The following TF variants were observed in gnomAD, a reference collection of about 807,000 sequenced individuals.
TF encodes the protein transferrin.
Under a neutral mutation model 82.4 loss-of-function variants are expected in TF, and 55 were observed. The ratio of observed to expected loss-of-function variants is 0.67; its 90% CI spans 0.54 to 0.84. The LOEUF (loss-of-function observed/expected upper bound fraction) is 0.84. Ranked by LOEUF, TF falls within the 40% of genes least tolerant of loss-of-function variation. The pLI is 0.00. For missense variants in TF, 737 were observed against 868.4 expected (o/e 0.85, Z 1.90); for synonymous variants, 332 against 332.6 (o/e 1.00, Z 0.02).
At chr3:133,718,695 A>G in the TF span, among the ~76,000 whole-genome samples, 1 of 152,194 alleles carries the variant, frequency 6.6e-6, no homozygotes, top group Admixed American at 6.5e-5. Context: ...TGCATTTCCA[A>G]CAAGTTTCCA....
the TF span, among the ~76,000 whole-genome samples, chr3:133,692,279 G>T: frequency 6.6e-6 from 1 of 152,192 alleles, no homozygotes; most frequent in East Asian, 1.9e-4. Context: ...TCCCATACTT[G>T]TCCATTAGTG....
the TF span, among the ~76,000 whole-genome samples, chr3:133,677,853 TA>T: frequency 8.5e-5 from 13 of 152,120 alleles, no homozygotes; most frequent in Admixed American, 2.6e-4. Context: ...CCAGCTAATT[TA>T]AAAAAAAAAT....
intron 2 of TF, among the ~76,000 whole-genome samples, chr3:133,753,271 C>G (rs1933727052): frequency 6.6e-6 from 1 of 152,242 alleles, no homozygotes; most frequent in Non-Finnish European, 1.5e-5. Flanking sequence ...GGGCGGCTTT[C>G]TCCCACGGAG....
At chr3:133,712,908 A>T in the TF span, 1 of 152,664 alleles carries the variant, frequency 6.6e-6, no homozygotes, top group Non-Finnish European at 1.5e-5. Context: ...ATTTGGAAGG[A>T]GCCAGAATCT....
intron 15 of TF, 84 bp downstream of exon 15, chr3:133,775,701 T>C (rs1934372292): frequency 2.9e-6 from 4 of 1,387,860 alleles, no homozygotes; most frequent in South Asian, 1.2e-5. Context: ...AGTGCAGCCA[T>C]GACTCCAGCA....
chr3:133,681,981 A>G, the TF span, among the ~76,000 whole-genome samples: 1 of 152,182 alleles, frequency 6.6e-6, no homozygotes, highest in African/African-American at 2.4e-5. Context: ...TCATATGGCC[A>G]GGTGCCCATC....
At chr3:133,671,769 G>A in the TF span, among the ~76,000 whole-genome samples, 1 of 150,638 alleles carries the variant, frequency 6.6e-6, no homozygotes, top group Non-Finnish European at 1.5e-5. Context: ...CTCCAGCCTG[G>A]GCGATAGAGT....
the TF span, among the ~76,000 whole-genome samples, chr3:133,663,544 CAATT>C: frequency 2.0e-5 from 3 of 151,990 alleles, no homozygotes; most frequent in African/African-American, 4.8e-5. Flanking sequence ...TCTGTAATAA[CAATT>C]AATATTTCTA....
chr3:133,725,379 G>A, the TF span, among the ~76,000 whole-genome samples: 1 of 152,280 alleles, frequency 6.6e-6, no homozygotes, highest in East Asian at 1.9e-4. Flanking sequence ...CACGTCCCTT[G>A]TAAGTTGGAT....
At chr3:133,738,975 T>G in the TF span, among the ~76,000 whole-genome samples, 1 of 152,148 alleles carries the variant, frequency 6.6e-6, no homozygotes, top group Admixed American at 6.5e-5. Context: ...TTAAATTTCA[T>G]ATGGAACCAA....
At chr3:133,725,935 T>C in the TF span, among the ~76,000 whole-genome samples, 4 of 152,216 alleles carry the variant, frequency 2.6e-5, no homozygotes, top group Non-Finnish European at 5.9e-5. Context: ...TTGTCTTTGG[T>C]TCTGTTTATA....
chr3:133,757,742 T>C (rs1368539311), intron 7 of TF, 27 bp from the exon 8 acceptor site: 1 of 1,601,624 alleles, frequency 6.2e-7, no homozygotes, highest in East Asian at 2.2e-5. Context: ...TGTGTTGCCA[T>C]CCACTATTCT....
At chr3:133,694,143 C>G in the TF span, 1 of 152,850 alleles carries the variant, frequency 6.5e-6, no homozygotes, top group African/African-American at 2.4e-5. Context: ...GAGGGCCACT[C>G]TCTCGCACAC....
In TF at chr3:133,778,856, C is replaced by G. The variant is rs1934458908; in HGVS notation, c.*236C>G. 2.3e-6 allele frequency: 1 copy of G among 428,864 alleles called. No individual in the cohort carries two copies. The highest frequency in any genetic ancestry group is 2.2e-5 in the South Asian group (1 of 45,964). The allele number at this position is 428,864 out of a possible 1,614,324, so 26.6% of individuals were successfully genotyped here. On this transcript the variant is annotated 3_prime_UTR_variant, in exon 17 of 17. Transcript: ENST00000402696. ...TTCTTTATGCATTCTGCCTAAATAC[C>G]TATGCAACTGAGCCCTTCCTTCTCA...
the TF span, among the ~76,000 whole-genome samples, chr3:133,666,565 G>A: frequency 6.6e-6 from 1 of 152,184 alleles, no homozygotes; most frequent in Non-Finnish European, 1.5e-5. Flanking sequence ...ATTGTCTTCA[G>A]TAACCTGGAA....
chr3:133,677,940 C>G, the TF span, among the ~76,000 whole-genome samples: 1 of 152,104 alleles, frequency 6.6e-6, no homozygotes, highest in Admixed American at 6.6e-5. Flanking sequence ...ATACACATGC[C>G]ATGGTGGTTT....
intron 5 of TF, among the ~76,000 whole-genome samples, 197 bp from the exon 6 acceptor site, chr3:133,756,084 AG>A (rs1250106235): frequency 6.6e-6 from 1 of 152,092 alleles, no homozygotes; most frequent in Non-Finnish European, 1.5e-5. Context: ...TTGGGTTATG[AG>A]GGCTTTTTAT....
the TF span, among the ~76,000 whole-genome samples, chr3:133,693,974 C>T: frequency 4.6e-5 from 7 of 152,278 alleles, no homozygotes; most frequent in South Asian, 2.1e-4. Context: ...TTCCATCACC[C>T]CATCAGTGTG....
the TF span, among the ~76,000 whole-genome samples, chr3:133,663,010 G>A: frequency 6.6e-5 from 10 of 152,112 alleles, no homozygotes; most frequent in Non-Finnish European, 1.2e-4. Context: ...CAACCTTCTC[G>A]TAGGTTTATC....
Sources: gnomAD v4.1 joint callset for allele counts (sites outside exome capture counted in the v4.1 genomes callset) on GRCh38, gnomAD v4.1.1 for gene constraint, MANE v1.5 for transcripts, NCBI Gene and HGNC (gene_info 2026-07-23, HGNC 2026-07-21) for gene names.